Variants in ZNF385D observed in about 807,000 individuals in gnomAD.
ZNF385D encodes the protein zinc finger protein 385D, also known as zinc finger protein 659.
A neutral mutation model predicts 35.8 loss-of-function variants in ZNF385D; 15 were observed. The observed-to-expected ratio is 0.42, with a 90% CI of 0.28 to 0.64. The LOEUF is 0.64. Among genes scored for constraint, ZNF385D ranks in the 30% least tolerant of loss-of-function variants. ZNF385D has a pLI of 0.23. For missense variants in ZNF385D, 474 were observed against 494.6 expected (o/e 0.96, Z 0.39); for synonymous variants, 212 against 186.8 (o/e 1.13, Z -1.10).
intron 3 of ZNF385D, among the ~76,000 whole-genome samples, chr3:21,923,472 C>G (rs1185627601): frequency 6.6e-6 from 1 of 152,128 alleles, no homozygotes; most frequent in African/African-American, 2.4e-5. Context: ...AAACTTAAAA[C>G]AGAACTACTA....
chr3:21,902,148 T>C (rs1489712681), intron 3 of ZNF385D, among the ~76,000 whole-genome samples: 1 of 152,152 alleles, frequency 6.6e-6, no homozygotes, highest in Non-Finnish European at 1.5e-5. Flanking sequence ...GTATTACCTA[T>C]ACACATTTAA....
rs28478114 is a variant in ZNF385D, at chr3:22,012,295, T to C, written c.325+156522A>G. 4.1e-3 allele frequency among the ~76,000 whole-genome samples: 627 copies of C among 152,322 alleles called. 6 individuals are homozygous for C. The highest frequency in any genetic ancestry group is 0.015 in the African/African-American group (607 of 41,578). On this transcript the variant is annotated intron_variant, in intron 3 of 5. Coordinates refer to the ZNF385D transcript ENST00000494108. ...GAAATACGTAGCTCTTTTTGAACTT[T>C]ATTCAAGTATGGAGTCTACTAACAA...
intron 3 of ZNF385D, among the ~76,000 whole-genome samples, chr3:21,823,946 T>C (rs1198625122): frequency 6.6e-6 from 1 of 152,152 alleles, no homozygotes; most frequent in Non-Finnish European, 1.5e-5. Context: ...GTCACTTTAT[T>C]GAGAAATCAT....
chr3:21,628,796 G>T (rs568461967), intron 2 of ZNF385D, among the ~76,000 whole-genome samples: 208 of 152,170 alleles, frequency 1.4e-3, no homozygotes, highest in African/African-American at 4.7e-3. Flanking sequence ...GGGAATAGAA[G>T]CACTATTAAT....
intron 3 of ZNF385D, among the ~76,000 whole-genome samples, chr3:21,836,219 G>A (rs1306837379): frequency 6.6e-6 from 1 of 152,056 alleles, no homozygotes; most frequent in East Asian, 1.9e-4. Context: ...AAAGTTATTA[G>A]AAAGAGATAT....
chr3:21,783,181 T>C (rs1403494222), intron 3 of ZNF385D, among the ~76,000 whole-genome samples: 1 of 152,142 alleles, frequency 6.6e-6, no homozygotes, highest in Non-Finnish European at 1.5e-5. Context: ...ATTTTCAGAT[T>C]GTAAATACAT....
chr3:21,861,324 T>A (rs1386230260), intron 3 of ZNF385D, among the ~76,000 whole-genome samples: 3 of 152,098 alleles, frequency 2.0e-5, no homozygotes, highest in Non-Finnish European at 4.4e-5. Flanking sequence ...TGTTCAGAAG[T>A]TAGTGGAATT....
chr3:22,345,120 T>C (rs1250989579), intron 2 of ZNF385D, among the ~76,000 whole-genome samples: 2 of 152,244 alleles, frequency 1.3e-5, no homozygotes, highest in African/African-American at 2.4e-5. Context: ...TGCTATGTGA[T>C]ACAGTATTAA....
chr3:21,856,615 A>G (rs1160078792), intron 3 of ZNF385D, among the ~76,000 whole-genome samples: 1 of 151,810 alleles, frequency 6.6e-6, no homozygotes, highest in Non-Finnish European at 1.5e-5. Context: ...TGTTGGGTCC[A>G]CATTCAGAAT....
chr3:21,643,944 T>C (rs1436130635), intron 2 of ZNF385D, among the ~76,000 whole-genome samples: 1 of 152,122 alleles, frequency 6.6e-6, no homozygotes, highest in African/African-American at 2.4e-5. Flanking sequence ...TAATGTGGGA[T>C]AGACTCTGAG....
chr3:22,129,238 A>T (rs1202927630), intron 3 of ZNF385D, among the ~76,000 whole-genome samples: 1 of 152,140 alleles, frequency 6.6e-6, no homozygotes, highest in Non-Finnish European at 1.5e-5. Context: ...GAGTGGTGAC[A>T]CAAGCATTCC....
chr3:21,552,318 G>T (rs986303760), intron 3 of ZNF385D, among the ~76,000 whole-genome samples: 1 of 152,072 alleles, frequency 6.6e-6, no homozygotes, highest in Non-Finnish European at 1.5e-5. Flanking sequence ...TTGACATTTG[G>T]TGTCTAAATA....
intron 4 of ZNF385D, among the ~76,000 whole-genome samples, chr3:21,454,295 A>G (rs771568925): frequency 7.1e-6 from 1 of 140,192 alleles, no homozygotes; most frequent in Non-Finnish European, 1.6e-5. Flanking sequence ...CATTGTGAAT[A>G]TAGTAAAGGC....
chr3:22,117,536 T>C (rs927494825), intron 3 of ZNF385D, among the ~76,000 whole-genome samples: 1 of 151,860 alleles, frequency 6.6e-6, no homozygotes, highest in South Asian at 2.1e-4. Flanking sequence ...ACAGGTTAAA[T>C]AGGAAAGGTA....
In ZNF385D at chr3:21,415,326, G is replaced by A. The variant is rs1177680338; in HGVS notation, c.*5888C>T. ...AAGTCAGTACTCAAAGTCAGTAGCT[G>A]ATGTGAAATGATACAATTGTATGAC... On this transcript the variant is annotated 3_prime_UTR_variant, in exon 8 of 8. Transcript: ENST00000281523. The A allele has an allele frequency of 6.6e-6, 1 of 152,072 alleles. No homozygotes were observed. Among genetic ancestry groups the A allele is most frequent in the Non-Finnish European group, 1.5e-5 (1 of 68,000 alleles). The allele number at this position is 152,072 out of a possible 1,614,324, so 9.4% of individuals were successfully genotyped here.
At chr3:22,219,644 G>A (rs1242718230) in intron 2 of ZNF385D, among the ~76,000 whole-genome samples, 1 of 152,080 alleles carries the variant, frequency 6.6e-6, no homozygotes, top group African/African-American at 2.4e-5. Context: ...GTTTCATAAA[G>A]GTAACTGAGA....
At chr3:21,721,262 AT>A (rs949434704) in intron 1 of ZNF385D, among the ~76,000 whole-genome samples, 63 of 152,184 alleles carry the variant, frequency 4.1e-4, no homozygotes, top group African/African-American at 1.4e-3. Flanking sequence ...TCCATTTAAG[AT>A]TCTTACCTTC....
intron 3 of ZNF385D, among the ~76,000 whole-genome samples, chr3:21,917,316 C>A (rs1424060937): frequency 6.6e-6 from 1 of 152,078 alleles, no homozygotes; most frequent in Non-Finnish European, 1.5e-5. Context: ...CCTGTAATCC[C>A]AGCTACTCAG....
chr3:21,568,373 A>AAACTT (rs2063220728), intron 2 of ZNF385D, among the ~76,000 whole-genome samples: 1 of 152,200 alleles, frequency 6.6e-6, no homozygotes, highest in Non-Finnish European at 1.5e-5. Context: ...CATTTTGTCT[A>AAACTT]AACTTATCTT....
Sources: gnomAD v4.1 joint callset for allele counts (sites outside exome capture counted in the v4.1 genomes callset) on GRCh38, gnomAD v4.1.1 for gene constraint, MANE v1.5 for transcripts, NCBI Gene and HGNC (gene_info 2026-07-23, HGNC 2026-07-21) for gene names.